The following LIMCH1 variants were observed in gnomAD, a reference collection of about 807,000 sequenced individuals.
LIMCH1 encodes LIM and calponin homology domains-containing protein 1.
LIMCH1 carries 113 observed loss-of-function variants against 176.5 expected under a neutral mutation model. The observed-to-expected ratio is 0.64, with a 90% CI of 0.55 to 0.75. The LOEUF is 0.75. Among genes scored for constraint, LIMCH1 ranks in the 30% least tolerant of loss-of-function variants. LIMCH1 has a pLI of 0.00. For missense variants in LIMCH1, 1,674 were observed against 1,814.9 expected, an observed-to-expected ratio of 0.92 and a Z score of 1.41; for synonymous variants, 619 against 645.9, an observed-to-expected ratio of 0.96 and a Z score of 0.63.
chr4:41,658,322 G>A (rs558628828), intron 18 of LIMCH1, among the ~76,000 whole-genome samples: 42 of 152,298 alleles, frequency 2.8e-4, no homozygotes, highest in African/African-American at 3.6e-4. Flanking sequence ...TCAAGTTACC[G>A]TATCAAATGT....
intron 1 of LIMCH1, among the ~76,000 whole-genome samples, chr4:41,440,365 C>T (rs774539648): frequency 1.3e-5 from 2 of 152,118 alleles, no homozygotes; most frequent in Non-Finnish European, 2.9e-5. Context: ...AGAATAAAAC[C>T]TGTCAGAAGT....
At chr4:41,578,364 A>G (rs2084849928) in intron 1 of LIMCH1, among the ~76,000 whole-genome samples, 1 of 152,160 alleles carries the variant, frequency 6.6e-6, no homozygotes, top group Non-Finnish European at 1.5e-5. Context: ...ATCACCTCTC[A>G]CCTGGACCCT....
intron 1 of LIMCH1, among the ~76,000 whole-genome samples, chr4:41,465,530 C>T (rs1314134473): frequency 6.6e-6 from 1 of 152,206 alleles, no homozygotes; most frequent in African/African-American, 2.4e-5. Context: ...CATTTTCCTC[C>T]ATTGGTTTCT....
At chr4:41,369,614 A>G (rs1341975426) in intron 1 of LIMCH1, among the ~76,000 whole-genome samples, 1 of 151,930 alleles carries the variant, frequency 6.6e-6, no homozygotes, top group East Asian at 1.9e-4. Flanking sequence ...TTCTTTGTAC[A>G]CACCTGAGCC....
chr4:41,463,830 C>T (rs1224061821), intron 1 of LIMCH1, among the ~76,000 whole-genome samples: 9 of 152,008 alleles, frequency 5.9e-5, no homozygotes, highest in Non-Finnish European at 1.2e-4. Context: ...TCACCTGACT[C>T]AGCCTCCCAA....
chr4:41,610,484 A>C (rs2091292542), intron 4 of LIMCH1, among the ~76,000 whole-genome samples: 1 of 152,232 alleles, frequency 6.6e-6, no homozygotes, highest in African/African-American at 2.4e-5. Context: ...ACATTTATAA[A>C]TGTTTTATGA....
At chr4:41,475,965 A>G (rs1272072775) in intron 1 of LIMCH1, among the ~76,000 whole-genome samples, 1 of 152,168 alleles carries the variant, frequency 6.6e-6, no homozygotes, top group Non-Finnish European at 1.5e-5. Context: ...CAATAACACA[A>G]TTGCCTCTTA....
chr4:41,667,110 A>T lies in LIMCH1; in HGVS notation c.3397+444A>T, dbSNP rs537292940. The stretch of plus-strand genomic sequence containing the variant: ...GACAGAGCTGTGACAAAAAAAAAAA[A>T]TTTGTATTATCTCCAAAATATAAAA... On this transcript the variant is annotated intron_variant, in intron 21 of 31. Transcript: ENST00000503057. Among the ~76,000 whole-genome samples, 10 of 151,070 alleles carry T rather than the reference A, an allele frequency of 6.6e-5. No individual in the cohort carries two copies. In the South Asian group the frequency reaches 2.1e-3, roughly 32 times the overall value.
At chr4:41,573,253 C>T (rs1174790087) in intron 1 of LIMCH1, among the ~76,000 whole-genome samples, 3 of 152,180 alleles carry the variant, frequency 2.0e-5, no homozygotes, top group African/African-American at 4.8e-5. Context: ...ACAGCATCAA[C>T]AATCAATTTA....
intron 16 of LIMCH1, 68 bp downstream of exon 16, chr4:41,646,348 T>A: frequency 1.3e-6 from 2 of 1,525,426 alleles, no homozygotes; most frequent in Non-Finnish European, 8.8e-7. Context: ...CTAAAAATTA[T>A]TGGCTGTCAC....
chr4:41,480,181 G>A (rs1464356356), intron 1 of LIMCH1, among the ~76,000 whole-genome samples: 1 of 152,164 alleles, frequency 6.6e-6, no homozygotes. Flanking sequence ...AAGGAAGCAG[G>A]CTCAGAGATG....
upstream of LIMCH1, among the ~76,000 whole-genome samples, chr4:41,537,092 G>C (rs776408936): frequency 1.3e-5 from 2 of 152,254 alleles, no homozygotes; most frequent in Non-Finnish European, 2.9e-5. Context: ...ATAATGCAAG[G>C]AAACTATGAA....
At chr4:41,559,905 CCACTGTCTA>C (rs1030287420) in intron 1 of LIMCH1, among the ~76,000 whole-genome samples, 2 of 152,110 alleles carry the variant, frequency 1.3e-5, no homozygotes, top group African/African-American at 4.8e-5. Flanking sequence ...TTCTTTTAAA[CCACTGTCTA>C]CATGCTAAGG....
At chr4:41,496,975 C>G (rs943458421) in intron 2 of LIMCH1, among the ~76,000 whole-genome samples, 2 of 152,210 alleles carry the variant, frequency 1.3e-5, no homozygotes, top group Non-Finnish European at 2.9e-5. Flanking sequence ...CCCCACACCA[C>G]AGAAACATTA....
At chr4:41,467,304 CT>C (rs1223961641) in intron 1 of LIMCH1, among the ~76,000 whole-genome samples, 1 of 152,016 alleles carries the variant, frequency 6.6e-6, no homozygotes, top group Non-Finnish European at 1.5e-5. Context: ...GCAAGTATCT[CT>C]TTGAGTCTAT....
At chr4:41,690,720 A>C (rs1724882875) in intron 30 of LIMCH1, among the ~76,000 whole-genome samples, 1 of 152,230 alleles carries the variant, frequency 6.6e-6, no homozygotes. Flanking sequence ...TAATTTAATA[A>C]TAACAGTAAT....
intron 1 of LIMCH1, among the ~76,000 whole-genome samples, chr4:41,590,784 G>A (rs1191673152): frequency 1.3e-5 from 2 of 152,126 alleles, no homozygotes; most frequent in Non-Finnish European, 2.9e-5. Context: ...CTCATTAAGT[G>A]CTCCTGGCAA....
At chr4:41,591,093 A>C (rs1469809403) in intron 1 of LIMCH1, among the ~76,000 whole-genome samples, 2 of 152,250 alleles carry the variant, frequency 1.3e-5, no homozygotes, top group Admixed American at 6.5e-5. Context: ...ATAGAAAAGT[A>C]ACATTATTGT....
intron 21 of LIMCH1, among the ~76,000 whole-genome samples, chr4:41,667,736 T>C (rs1330270914): frequency 2.6e-5 from 4 of 152,116 alleles, no homozygotes; most frequent in African/African-American, 7.2e-5. Flanking sequence ...CCCTGAGGGA[T>C]GTGAACAGTG....
Sources: allele counts gnomAD v4.1 joint callset (sites outside exome capture counted in the v4.1 genomes callset), GRCh38; gene constraint gnomAD v4.1.1; transcripts MANE v1.5; gene names NCBI Gene and HGNC (gene_info 2026-07-23, HGNC 2026-07-21).